PAK5: variants seen among roughly 807,000 people sequenced by gnomAD.
PAK5 encodes the protein p21 (RAC1) activated kinase 5.
A neutral mutation model predicts 65.9 loss-of-function variants in PAK5; 16 were observed. The ratio of observed to expected loss-of-function variants is 0.24; its 90% CI spans 0.16 to 0.37. The LOEUF is 0.37. Ranked by LOEUF, PAK5 falls within the 10% of genes least tolerant of loss-of-function variation. The pLI is 1.00. For synonymous variants in PAK5, 371 were observed against 354.9 expected (o/e 1.05, Z -0.51); for missense variants, 785 against 903.9 (o/e 0.87, Z 1.69).
rs1179348399 is a variant in PAK5, at chr20:9,537,640, A to G, written c.*1822T>C. The G allele has an allele frequency of 4.6e-6, 1 of 218,084 alleles. No homozygotes were observed. Among genetic ancestry groups the G allele is most frequent in the Non-Finnish European group, 9.2e-6 (1 of 108,432 alleles). The allele number at this position is 218,084 out of a possible 1,614,324, so 13.5% of individuals were successfully genotyped here. A position where few individuals can be genotyped will look rare whatever the true frequency, so the allele number is the denominator to read the frequency against. On this transcript the variant is annotated 3_prime_UTR_variant, in exon 10 of 10. Transcript: ENST00000353224. ...AAGATTTTCTTTTTCTTTTCTTTCT[A>G]CTTCTACATAGTCCTGGTTAAATTA...
intron 1 of PAK5, among the ~76,000 whole-genome samples, chr20:9,748,931 A>C (rs1600322803): frequency 6.6e-6 from 1 of 152,132 alleles, no homozygotes; most frequent in Non-Finnish European, 1.5e-5. Flanking sequence ...CATTTCCAGC[A>C]CCTCAGAAGT....
At chr20:9,836,761 A>G (rs7265540) in intron 1 of PAK5, among the ~76,000 whole-genome samples, 11,731 of 152,214 alleles carry the variant, frequency 0.077, 1,428 homozygotes, top group African/African-American at 0.26. Context: ...GTAAATATCC[A>G]TTTCCCTCTT....
intron 1 of PAK5, among the ~76,000 whole-genome samples, chr20:9,828,002 T>A (rs1472203277): frequency 1.3e-5 from 2 of 151,932 alleles, no homozygotes; most frequent in Non-Finnish European, 2.9e-5. Context: ...CAGCTAATGT[T>A]TTTTTGTATT....
chr20:9,837,129 C>A (rs1326891850), intron 1 of PAK5, among the ~76,000 whole-genome samples: 1 of 152,108 alleles, frequency 6.6e-6, no homozygotes, highest in Admixed American at 6.6e-5. Context: ...CAATCTCTAC[C>A]CACTCACAGA....
chr20:9,629,040 T>C (rs982889245), intron 3 of PAK5, among the ~76,000 whole-genome samples: 3 of 152,170 alleles, frequency 2.0e-5, no homozygotes, highest in African/African-American at 7.2e-5. Context: ...TTCTTCTCCT[T>C]TCTGGCCTCA....
At chr20:9,634,374 T>A (rs1258897575) in intron 3 of PAK5, among the ~76,000 whole-genome samples, 1 of 152,234 alleles carries the variant, frequency 6.6e-6, no homozygotes, top group East Asian at 1.9e-4. Context: ...GGGGTGATAC[T>A]GTCTTCTCTG....
chr20:9,688,515 C>T (rs1457599495), intron 2 of PAK5, among the ~76,000 whole-genome samples: 2 of 151,992 alleles, frequency 1.3e-5, no homozygotes, highest in Admixed American at 6.6e-5. Flanking sequence ...GGGCACAAGG[C>T]TCCCCTGCTT....
chr20:9,702,970 T>C (rs1256879119), intron 2 of PAK5, among the ~76,000 whole-genome samples: 1 of 152,190 alleles, frequency 6.6e-6, no homozygotes, highest in African/African-American at 2.4e-5. Context: ...TCAGCACTCC[T>C]TTTCAGGATC....
At chr20:9,682,496 G>A (rs2047664058) in intron 2 of PAK5, among the ~76,000 whole-genome samples, 1 of 152,166 alleles carries the variant, frequency 6.6e-6, no homozygotes. Flanking sequence ...TCACTTAGAA[G>A]AATTACAGAT....
At chr20:9,638,178 C>T (rs1360706756) in intron 3 of PAK5, among the ~76,000 whole-genome samples, 1 of 152,254 alleles carries the variant, frequency 6.6e-6, no homozygotes, top group Non-Finnish European at 1.5e-5. Context: ...TACGACCATT[C>T]AACCTGCCCT....
intron 2 of PAK5, among the ~76,000 whole-genome samples, chr20:9,691,526 A>T (rs897234926): frequency 1.3e-5 from 2 of 152,182 alleles, no homozygotes; most frequent in Non-Finnish European, 2.9e-5. Flanking sequence ...TTTAAATAGT[A>T]AACAACCTTA....
At chr20:9,557,561 C>G (rs1361150943) in intron 7 of PAK5, 47 bp downstream of exon 7, 1 of 1,545,832 alleles carries the variant, frequency 6.5e-7, no homozygotes, top group African/African-American at 1.4e-5. Context: ...CCATGACAGA[C>G]AGAGTGACAA....
At position 9,838,453 on chromosome 20, in the gene PAK5, T is replaced by A. The variant is rs1209783961; in HGVS notation, c.-162+309A>T. Among the ~76,000 whole-genome samples the A allele has an allele frequency of 1.3e-5, 2 of 152,070 alleles. No homozygotes were observed. Among genetic ancestry groups the A allele is most frequent in the Admixed American group, 1.3e-4 (2 of 15,276 alleles). On this transcript the variant is annotated intron_variant, in intron 1 of 9. Transcript: ENST00000353224. This position sits in a 1 kb window ranked among gnomAD's most constrained non-coding sequence, Gnocchi z 4.5. Reference sequence around the variant, plus strand: ...TACCAGCACGCTCTCAGGGCTGGAATCCGGGGTTCTCCTCCACGCCCTCCC... The same window carrying A: ...TACCAGCACGCTCTCAGGGCTGGAAACCGGGGTTCTCCTCCACGCCCTCCC...
At chr20:9,704,254 A>G (rs1235295991) in intron 2 of PAK5, among the ~76,000 whole-genome samples, 1 of 152,214 alleles carries the variant, frequency 6.6e-6, no homozygotes, top group East Asian at 1.9e-4. Context: ...TCTCCTTTAA[A>G]GTAGCCATAG....
rs555184442 is a variant in PAK5 at position 9,617,420 on chromosome 20, A to G, written c.204+26705T>C. The stretch of plus-strand genomic sequence containing the variant: ...TCCCAGACGATTTTATTTTTATACC[A>G]GTTGGTTAATGTAATGACATTGGAA... On this transcript the variant is annotated intron_variant, in intron 3 of 9. Transcript: ENST00000353224. 9.3e-4 allele frequency among the ~76,000 whole-genome samples: 142 copies of G among 152,256 alleles called. 1 individual carries two copies. The highest frequency in any genetic ancestry group is 3.3e-3 in the African/African-American group (139 of 41,542).
At chr20:9,780,166 C>A (rs2048927407) in intron 1 of PAK5, among the ~76,000 whole-genome samples, 1 of 151,904 alleles carries the variant, frequency 6.6e-6, no homozygotes, top group Non-Finnish European at 1.5e-5. Flanking sequence ...TAGCATGGGG[C>A]AAAATTAGAT....
At chr20:9,617,782 C>G (rs1288578190) in intron 3 of PAK5, among the ~76,000 whole-genome samples, 2 of 151,916 alleles carry the variant, frequency 1.3e-5, no homozygotes, top group African/African-American at 4.8e-5. Context: ...GTCTCGATCT[C>G]CTGACCTCGT....
At chr20:9,834,417 T>C (rs2123793806) in intron 1 of PAK5, among the ~76,000 whole-genome samples, 1 of 152,284 alleles carries the variant, frequency 6.6e-6, no homozygotes, top group East Asian at 1.9e-4. Context: ...ATTCAGGATT[T>C]TGACAGAAAC....
chr20:9,683,891 G>T (rs2143256), intron 2 of PAK5, among the ~76,000 whole-genome samples: 50,881 of 152,026 alleles, frequency 0.33, 10,071 homozygotes, highest in African/African-American at 0.55. Context: ...AGTGAAATAT[G>T]AATGTAGTGC....
Sources: gnomAD v4.1 joint callset for allele counts (sites outside exome capture counted in the v4.1 genomes callset) on GRCh38, gnomAD v4.1.1 for gene constraint, Gnocchi (gnomAD v3.1) non-coding constraint, MANE v1.5 for transcripts, NCBI Gene and HGNC (gene_info 2026-07-23, HGNC 2026-07-21) for gene names.